PCDHGC3: variants seen among roughly 807,000 people sequenced by gnomAD.
PCDHGC3 encodes the protein protocadherin gamma-C3.
PCDHGC3 carries 26 observed loss-of-function variants against 59.2 expected under a neutral mutation model. That is an observed-to-expected ratio of 0.44 (90% CI 0.32 to 0.61). The LOEUF is 0.61. Among genes scored for constraint, PCDHGC3 ranks in the 20% least tolerant of loss-of-function variants. PCDHGC3 has a pLI of 0.05. For synonymous variants in PCDHGC3, 487 were observed against 519.7 expected (o/e 0.94, Z 0.86); for missense variants, 1,080 against 1,221.8 (o/e 0.88, Z 1.73).
intron 2 of PCDHGC3, among the ~76,000 whole-genome samples, chr5:141,504,479 G>T (rs1270717855): frequency 6.6e-6 from 1 of 152,100 alleles, no homozygotes; most frequent in African/African-American, 2.4e-5. Context: ...TGGGAGTACA[G>T]TGGAGGCACC....
Position 141,512,288 on chromosome 5 carries a change from TCAGCGGAGCCCCAGCAGGAAGGGTGGGC to T in PCDHGC3, c.*1120_*1147del, listed in dbSNP as rs1375137843. The T allele has an allele frequency of 6.5e-6, 1 of 152,680 alleles. No individual in the cohort carries two copies. Among genetic ancestry groups the T allele is most frequent in the Non-Finnish European group, 1.5e-5 (1 of 68,182 alleles). The allele number at this position is 152,680 out of a possible 1,614,324, so 9.5% of individuals were successfully genotyped here. ...TCCAGAGGTGCCACTGGTGGAAGGG[TCAGCGGAGCCCCAGCAGGAAGGGTGGGC>T]CAGCCAGGCCATTCTTAGTCCCTGG... On this transcript the variant is annotated 3_prime_UTR_variant, in exon 4 of 4. Coordinates refer to ENST00000308177, the MANE Select transcript of PCDHGC3 (RefSeq NM_002588.4).
Position 141,487,642 on chromosome 5 carries a change from G to A in PCDHGC3, c.2431-7165G>A, listed in dbSNP as rs747328649. 1.2e-6 allele frequency: 2 copies of A among 1,614,130 alleles called. No individual in the cohort carries two copies. The highest frequency in any genetic ancestry group is 1.3e-5 in the African/African-American group (1 of 75,062). On this transcript the variant is annotated intron_variant, in intron 1 of 3. Transcript: ENST00000308177. This position sits in a 1 kb window ranked among gnomAD's most constrained non-coding sequence, Gnocchi z 5.0. ...TGAGACCTTTGCAGGCTCAACAAAT[G>A]CTTGAGGGTTATTCTGATCCAGGCA...
chr5:141,506,165 C>T (rs1359711670), intron 3 of PCDHGC3, among the ~76,000 whole-genome samples: 8 of 152,038 alleles, frequency 5.3e-5, no homozygotes, highest in South Asian at 2.1e-4. Context: ...AAGAGCACAG[C>T]CTAAGCTGGG....
At chr5:141,501,809 A>G (rs2099811165) in intron 2 of PCDHGC3, among the ~76,000 whole-genome samples, 1 of 152,176 alleles carries the variant, frequency 6.6e-6, no homozygotes, top group African/African-American at 2.4e-5. Flanking sequence ...ACCCAGCTTC[A>G]CATAATTGGC....
intron 2 of PCDHGC3, among the ~76,000 whole-genome samples, chr5:141,497,602 C>T (rs948023459): frequency 2.0e-5 from 3 of 148,260 alleles, no homozygotes; most frequent in East Asian, 2.0e-4. Flanking sequence ...TGCAGTGGTG[C>T]GATCTTGGCT....
At chr5:141,484,943 C>T (rs542244720) in intron 1 of PCDHGC3, 14 of 546,098 alleles carry the variant, frequency 2.6e-5, no homozygotes, top group African/African-American at 2.3e-4. Flanking sequence ...GTTCTCTGCT[C>T]AGCCTATTGG....
At chr5:141,510,286 A>G (rs1011677966) in intron 3 of PCDHGC3, among the ~76,000 whole-genome samples, 1 of 151,770 alleles carries the variant, frequency 6.6e-6, no homozygotes, top group African/African-American at 2.4e-5. Flanking sequence ...AAAAAAAAAA[A>G]AAAAATGCTG....
chr5:141,491,143 C>A lies in PCDHGC3; in HGVS notation c.2431-3664C>A. 1.2e-6 allele frequency: 2 copies of A among 1,614,142 alleles called. No homozygotes were observed. Among genetic ancestry groups the A allele is most frequent in the South Asian group, 1.1e-5 (1 of 91,082 alleles). On this transcript the variant is annotated intron_variant, in intron 1 of 3. Transcript: ENST00000308177. This position sits in a 1 kb window ranked among gnomAD's most constrained non-coding sequence, Gnocchi z 6.9. ...TGAGGTGCGCACAGCCCGGGCCTTA[C>A]TGGAGGATGACTCTGACACCCAGCA... is the stretch of plus-strand genomic sequence containing the variant.
chr5:141,481,317 C>T (rs2099535550), intron 1 of PCDHGC3, among the ~76,000 whole-genome samples: 1 of 152,182 alleles, frequency 6.6e-6, no homozygotes, highest in African/African-American at 2.4e-5. Context: ...CTTCCTAAAG[C>T]ACTAGCCCCT....
chr5:141,509,435 T>C (rs547082417), intron 3 of PCDHGC3, among the ~76,000 whole-genome samples: 1 of 152,214 alleles, frequency 6.6e-6, no homozygotes, highest in South Asian at 2.1e-4. Context: ...AAACTCTTGT[T>C]TCCTCCTCTC....
At chr5:141,510,378 C>T (rs919650449) in intron 3 of PCDHGC3, among the ~76,000 whole-genome samples, 1 of 151,688 alleles carries the variant, frequency 6.6e-6, no homozygotes, top group African/African-American at 2.4e-5. Flanking sequence ...TCTACTCGTG[C>T]CAGGCCTTGC....
rs752088903 is a variant in PCDHGC3, at chr5:141,490,784, G to A, written c.2431-4023G>A. The A allele has an allele frequency of 1.7e-5, 27 of 1,613,906 alleles. No individual in the cohort carries two copies. The highest frequency in any genetic ancestry group is 1.2e-4 in the African/African-American group (9 of 74,922). The stretch of plus-strand genomic sequence containing the variant: ...GTGTATGTCAACCCAGAGGATGGAC[G>A]GATCTTTGCCCAGCGTACCTTTGAC... On this transcript the variant is annotated intron_variant, in intron 1 of 3. Transcript: ENST00000308177. This position sits in a 1 kb window ranked among gnomAD's most constrained non-coding sequence, Gnocchi z 5.4.
rs1484954022 is a variant in PCDHGC3 at position 141,511,920 on chromosome 5, T to C, written c.*747T>C. 1 of 156,200 alleles carries C rather than the reference T, an allele frequency of 6.4e-6. No individual in the cohort carries two copies. Among genetic ancestry groups the C allele is most frequent in the Non-Finnish European group, 1.4e-5 (1 of 70,262 alleles). The allele number at this position is 156,200 out of a possible 1,614,324, so 9.7% of individuals were successfully genotyped here. The stretch of plus-strand genomic sequence containing the variant: ...CTCCTCCTCAAACAAGAGACTCCAC[T>C]GCATGTTCCAAGACAGTATGGGGTG... On this transcript the variant is annotated 3_prime_UTR_variant, in exon 4 of 4. Coordinates refer to ENST00000308177, the MANE Select transcript of PCDHGC3 (RefSeq NM_002588.4).
At chr5:141,508,371 C>T (rs1250979168) in intron 3 of PCDHGC3, 1 of 152,226 alleles carries the variant, frequency 6.6e-6, no homozygotes, top group East Asian at 1.9e-4. Flanking sequence ...CAACTTCTTC[C>T]CCTCAGATTT....
rs2099624335 is a variant in PCDHGC3 at position 141,486,093 on chromosome 5, C to T, written c.2430+7547C>T. On this transcript the variant is annotated intron_variant, in intron 1 of 3. Coordinates refer to ENST00000308177, the MANE Select transcript of PCDHGC3 (RefSeq NM_002588.4). This position sits in a 1 kb window ranked among gnomAD's most constrained non-coding sequence, Gnocchi z 5.0. ...ACTGGAAAGCTTACTCTTTTGGGGC[C>T]CCTAGACTTTGAGAGTGAGAATTAC... 1 of 1,614,112 alleles carries T rather than the reference C, an allele frequency of 6.2e-7. No homozygotes were observed. The highest frequency in any genetic ancestry group is 8.5e-7 in the Non-Finnish European group (1 of 1,180,008).
In PCDHGC3 at chr5:141,477,955, C is replaced by T. The variant is rs748233998; in HGVS notation, c.1839C>T (p.Ser613=). The T allele has an allele frequency of 3.7e-6, 6 of 1,614,004 alleles. No homozygotes were observed. Among genetic ancestry groups the T allele is most frequent in the Admixed American group, 3.3e-5 (2 of 59,988 alleles). Residue 613 remains serine (S), a synonymous_variant, in exon 1 of 4, where the codon TCC becomes TCT. Transcript: ENST00000308177. This position sits in a 1 kb window ranked among gnomAD's most constrained non-coding sequence, Gnocchi z 4.9. The part of the protein sequence containing the change: ...NAWLSYSLLG[S]PNQSLFAIGL... ...GGCTCTCCTACAGTCTCTTGGGATCCCCTAACCAGAGCCTTTTTGCCATAG... is the reference window on the plus strand; with the variant it reads ...GGCTCTCCTACAGTCTCTTGGGATCTCCTAACCAGAGCCTTTTTGCCATAG...
intron 3 of PCDHGC3, among the ~76,000 whole-genome samples, chr5:141,507,784 T>C (rs2099863290): frequency 6.6e-6 from 1 of 152,136 alleles, no homozygotes; most frequent in Non-Finnish European, 1.5e-5. Context: ...GGCCTGACCC[T>C]CGTCTAAGCC....
Position 141,478,164 on chromosome 5 carries a change from C to T in PCDHGC3, c.2048C>T (p.Pro683Leu). ...ARAEFPSGSA[P>L]REQKKNLTFY... ...GCCGAGTTCCCCTCTGGCTCTGCCC[C>T]CCGGGAGCAGAAAAAAAATCTCACC... Residue 683 changes from proline (P) to leucine (L), a missense_variant, in exon 1 of 4, where the codon CCC (proline) becomes CTC (leucine). Coordinates refer to ENST00000308177, the MANE Select transcript of PCDHGC3 (RefSeq NM_002588.4). The T allele has an allele frequency of 6.2e-7, 1 of 1,614,010 alleles. No individual in the cohort carries two copies. The highest frequency in any genetic ancestry group is 8.5e-7 in the Non-Finnish European group (1 of 1,180,042).
At chr5:141,495,007 G>A in intron 2 of PCDHGC3, 142 bp downstream of exon 2, 4 of 1,522,158 alleles carry the variant, frequency 2.6e-6, no homozygotes, top group Non-Finnish European at 3.5e-6. Context: ...TTGGTGTGCG[G>A]GGGGCTGGCA....
Sources: allele counts gnomAD v4.1 joint callset (sites outside exome capture counted in the v4.1 genomes callset), GRCh38; gene constraint gnomAD v4.1.1; non-coding constraint Gnocchi (gnomAD v3.1); transcripts MANE v1.5; gene names NCBI Gene and HGNC (gene_info 2026-07-23, HGNC 2026-07-21).